GRIN2A: variants seen among roughly 807,000 people sequenced by gnomAD.
GRIN2A encodes the protein glutamate receptor ionotropic, NMDA 2A.
Under a neutral mutation model 113.4 loss-of-function variants are expected in GRIN2A, and 22 were observed. The observed-to-expected ratio is 0.19, with a 90% CI of 0.14 to 0.28. The LOEUF is 0.28. Among genes scored for constraint, GRIN2A ranks in the 10% least tolerant of loss-of-function variants. GRIN2A has a pLI of 1.00. For synonymous variants in GRIN2A, 827 were observed against 738.4 expected (o/e 1.12, Z -1.94); for missense variants, 1,502 against 1,887.0 (o/e 0.80, Z 3.78).
intron 2 of GRIN2A, among the ~76,000 whole-genome samples, chr16:10,032,594 A>G (rs1340597272): frequency 6.6e-6 from 1 of 152,216 alleles, no homozygotes; most frequent in Admixed American, 6.5e-5. Context: ...GGTAAATACT[A>G]TCATTATCCC....
intron 8 of GRIN2A, 88 bp from the exon 9 acceptor site, chr16:9,829,740 C>T (rs1168274793): frequency 2.4e-6 from 2 of 835,462 alleles, no homozygotes; most frequent in South Asian, 1.4e-5. Context: ...ACCAGCAGCA[C>T]CGAAGGTTGC....
intron 2 of GRIN2A, among the ~76,000 whole-genome samples, chr16:10,074,656 A>G (rs2047833938): frequency 6.6e-6 from 1 of 152,220 alleles, no homozygotes; most frequent in Non-Finnish European, 1.5e-5. Flanking sequence ...ATACAATTCC[A>G]TTTACATGAA....
chr16:9,881,528 C>A (rs2043480571), intron 4 of GRIN2A, among the ~76,000 whole-genome samples: 1 of 152,160 alleles, frequency 6.6e-6, no homozygotes. Flanking sequence ...AGGGCTAAGG[C>A]CTTTACATCT....
intron 2 of GRIN2A, among the ~76,000 whole-genome samples, chr16:10,129,523 C>G (rs77282668): frequency 6.6e-6 from 1 of 151,984 alleles, no homozygotes; most frequent in Non-Finnish European, 1.5e-5. Flanking sequence ...ATGTTTGAGA[C>G]GAAACTTGAA....
At position 9,764,847 on chromosome 16, in the gene GRIN2A, C is replaced by T. The variant is rs1179598475; in HGVS notation, c.2697G>A (p.Arg899=). The T allele has an allele frequency of 6.2e-7, 1 of 1,614,146 alleles. No individual in the cohort carries two copies. Among genetic ancestry groups the T allele is most frequent in the Admixed American group, 1.7e-5 (1 of 60,030 alleles). The change falls in exon 13 of 13, where the codon CGG becomes CGA. Residue 899 remains arginine, a synonymous_variant. Transcript: ENST00000330684. ...ACATGCTGGAAATGTTTTTGGCTGA[C>T]CGGAGGAGTTTTAACATGTTGCTCT... ...GSQSNMLKLL[R]SAKNISSMSN... is the part of the protein sequence containing the mutation.
intron 2 of GRIN2A, among the ~76,000 whole-genome samples, chr16:9,957,860 C>T (rs1247299826): frequency 6.6e-6 from 1 of 152,166 alleles, no homozygotes; most frequent in African/African-American, 2.4e-5. Flanking sequence ...TGGGCCTCTG[C>T]CTGTTGGTTT....
chr16:9,870,739 G>C (rs918095816), intron 4 of GRIN2A, among the ~76,000 whole-genome samples: 1 of 151,506 alleles, frequency 6.6e-6, no homozygotes, highest in Non-Finnish European at 1.5e-5. Context: ...CCAGGTTCAA[G>C]CAATTCTCCT....
intron 4 of GRIN2A, among the ~76,000 whole-genome samples, chr16:9,886,933 G>A (rs552922196): frequency 6.6e-6 from 1 of 152,274 alleles, no homozygotes; most frequent in South Asian, 2.1e-4. Flanking sequence ...TGTCACCCAG[G>A]TTGAAGTGCA....
intron 3 of GRIN2A, among the ~76,000 whole-genome samples, chr16:9,934,823 C>T (rs1024338488): frequency 5.3e-5 from 8 of 151,584 alleles, no homozygotes; most frequent in Non-Finnish European, 7.4e-5. Flanking sequence ...CGTCAGGGAC[C>T]GTGGGAGAGT....
chr16:10,074,113 G>A lies in GRIN2A; in HGVS notation c.414+105885C>T, dbSNP rs183424150. ...AAGATGGCATACAAACAGCCACTAA[G>A]CACATAAAAATATGCTCAATACAAA... On this transcript the variant is annotated intron_variant, in intron 2 of 12. Coordinates refer to ENST00000330684, the MANE Select transcript of GRIN2A (RefSeq NM_001134407.3). Among the ~76,000 whole-genome samples, 269 of 152,244 alleles carry A rather than the reference G, an allele frequency of 1.8e-3. 1 individual carries two copies. Among genetic ancestry groups the A allele is most frequent in the African/African-American group, 6.1e-3 (254 of 41,542 alleles).
intron 2 of GRIN2A, among the ~76,000 whole-genome samples, chr16:10,039,804 G>GGAGAGGGA (rs1567253899): frequency 1.8e-5 from 1 of 56,108 alleles, no homozygotes; most frequent in African/African-American, 9.8e-5. Flanking sequence ...GAGGGGGAGG[G>GGAGAGGGA]GGGGGAGAAA....
chr16:10,048,926 G>C (rs1331840725), intron 2 of GRIN2A, among the ~76,000 whole-genome samples: 1 of 152,158 alleles, frequency 6.6e-6, no homozygotes, highest in African/African-American at 2.4e-5. Flanking sequence ...TGCTGACGTG[G>C]AGGAAGGAGC....
chr16:9,868,925 AAC>A (rs1016248450), intron 4 of GRIN2A, among the ~76,000 whole-genome samples: 14 of 152,124 alleles, frequency 9.2e-5, no homozygotes, highest in African/African-American at 3.1e-4. Flanking sequence ...TTCAGAACTC[AAC>A]ACAGAGGGCA....
chr16:9,872,650 A>G (rs147898185), intron 4 of GRIN2A, among the ~76,000 whole-genome samples: 2,896 of 152,312 alleles, frequency 0.019, 86 homozygotes, highest in African/African-American at 0.062. Flanking sequence ...GCCATAAAAA[A>G]GAATCCAATC....
intron 2 of GRIN2A, among the ~76,000 whole-genome samples, chr16:10,156,982 G>C (rs1475787393): frequency 1.3e-5 from 2 of 152,176 alleles, no homozygotes; most frequent in Admixed American, 6.5e-5. Context: ...TGGTGGTGAT[G>C]GGGGGCAGAC....
At chr16:9,892,408 C>T (rs1281957757) in intron 3 of GRIN2A, among the ~76,000 whole-genome samples, 1 of 152,014 alleles carries the variant, frequency 6.6e-6, no homozygotes, top group Non-Finnish European at 1.5e-5. Flanking sequence ...ATAATGGTGG[C>T]TTTGACTCTG....
At chr16:9,852,277 T>C (rs1002496991) in intron 4 of GRIN2A, among the ~76,000 whole-genome samples, 12 of 152,222 alleles carry the variant, frequency 7.9e-5, no homozygotes, top group African/African-American at 2.7e-4. Flanking sequence ...GTACAGTGTT[T>C]CTGTGAATTG....
intron 4 of GRIN2A, 120 bp downstream of exon 4, chr16:9,890,866 T>C: frequency 1.4e-6 from 1 of 724,528 alleles, no homozygotes; most frequent in Admixed American, 2.0e-5. Context: ...TGCTCTTGGC[T>C]GTGAGATGGG....
At chr16:10,124,461 A>C (rs767418024) in intron 2 of GRIN2A, among the ~76,000 whole-genome samples, 56 of 146,702 alleles carry the variant, frequency 3.8e-4, no homozygotes, top group Non-Finnish European at 7.0e-4. Flanking sequence ...ATAACTGGCA[A>C]CTTAGCCTTG....
Sources: gnomAD v4.1 joint callset for allele counts (sites outside exome capture counted in the v4.1 genomes callset) on GRCh38, gnomAD v4.1.1 for gene constraint, MANE v1.5 for transcripts, NCBI Gene and HGNC (gene_info 2026-07-23, HGNC 2026-07-21) for gene names.